The following SNX8 variants were observed in gnomAD, a reference collection of about 807,000 sequenced individuals.
SNX8 encodes sorting nexin-8.
A neutral mutation model predicts 51.6 loss-of-function variants in SNX8; 25 were observed. The ratio of observed to expected loss-of-function variants is 0.48; its 90% confidence interval spans 0.35 to 0.68. The LOEUF (loss-of-function observed/expected upper bound fraction) is 0.68. SNX8 is among the 30% of genes least tolerant of loss of function. The pLI is 0.00. For synonymous variants in SNX8, 324 were observed against 277.0 expected (o/e 1.17, Z -1.68); for missense variants, 695 against 624.0 (o/e 1.11, Z -1.21).
At chr7:2,303,263 C>A (rs1477745026) in intron 1 of SNX8, among the ~76,000 whole-genome samples, 3 of 147,928 alleles carry the variant, frequency 2.0e-5, no homozygotes, top group Non-Finnish European at 3.0e-5. Flanking sequence ...CGGCCAGCCG[C>A]CCCGTCCGGG....
At chr7:2,341,435 G>A (rs549119066) in intron 1 of SNX8, among the ~76,000 whole-genome samples, 6 of 152,002 alleles carry the variant, frequency 3.9e-5, no homozygotes, top group Admixed American at 3.9e-4. Context: ...GGAGGCAGAG[G>A]TTACAGTGAG....
chr7:2,278,422 T>C, intron 1 of SNX8, 117 bp from the exon 2 acceptor site: 1 of 629,966 alleles, frequency 1.6e-6, no homozygotes, highest in Admixed American at 3.0e-5. Flanking sequence ...GGAGGGAGTA[T>C]CACTTGAGCC....
chr7:2,290,886 G>A (rs1344274951), intron 1 of SNX8, among the ~76,000 whole-genome samples: 1 of 152,250 alleles, frequency 6.6e-6, no homozygotes, highest in Admixed American at 6.5e-5. Flanking sequence ...AGAACAGGAG[G>A]AGGAACCCAG....
intron 1 of SNX8, among the ~76,000 whole-genome samples, chr7:2,292,539 G>C (rs570258509): frequency 6.7e-4 from 102 of 151,712 alleles, no homozygotes; most frequent in Middle Eastern, 6.8e-3. Context: ...AGCCTCCCGA[G>C]TAGCTGGGAC....
chr7:2,270,550 G>C (rs1273030331), intron 4 of SNX8, among the ~76,000 whole-genome samples: 1 of 151,984 alleles, frequency 6.6e-6, no homozygotes, highest in Non-Finnish European at 1.5e-5. Context: ...CCTGCCCCCA[G>C]AACAGGGATA....
intron 1 of SNX8, among the ~76,000 whole-genome samples, chr7:2,350,599 T>C (rs906600058): frequency 6.6e-6 from 1 of 151,714 alleles, no homozygotes; most frequent in Non-Finnish European, 1.5e-5. Context: ...AAGCCAGGAG[T>C]TCAAGACCAG....
At chr7:2,293,791 C>G (rs964544141) in intron 1 of SNX8, among the ~76,000 whole-genome samples, 6 of 132,400 alleles carry the variant, frequency 4.5e-5, no homozygotes, top group African/African-American at 1.7e-4. Flanking sequence ...GGTGAAATCC[C>G]GTCTCTACTA....
chr7:2,266,495 C>T (rs1480756606), intron 5 of SNX8, among the ~76,000 whole-genome samples: 6 of 152,020 alleles, frequency 3.9e-5, no homozygotes, highest in South Asian at 2.1e-4. Flanking sequence ...TACAGGTGCA[C>T]GCCACCGCAC....
rs777381644 is a variant in SNX8, at chr7:2,257,502, G to A, written c.997C>T (p.Arg333Trp). The A allele has an allele frequency of 5.0e-6, 8 of 1,602,956 alleles. No individual in the cohort carries two copies. The highest frequency in any genetic ancestry group is 1.9e-4 in the Middle Eastern group (1 of 5,320). Reference sequence around the variant, plus strand: ...TTGTGCAACACGCCCTTCTCATGCCGCTCGCACAGGTCCTGCGGGGCCGGG... The same window carrying A: ...TTGTGCAACACGCCCTTCTCATGCCACTCGCACAGGTCCTGCGGGGCCGGG... Reference protein sequence around the residue: ...LLQSYKDLCERHEKGVLHKHQ... With the variant: ...LLQSYKDLCEWHEKGVLHKHQ... Residue 333 changes from arginine (R) to tryptophan (W), a missense_variant, in exon 9 of 11, where the codon CGG becomes TGG. Arg to Trp is a moderately radical substitution (Grantham distance 101). Coordinates refer to ENST00000222990, the MANE Select transcript of SNX8 (RefSeq NM_013321.4).
chr7:2,324,311 GAC>G (rs1320885520), intron 1 of SNX8, among the ~76,000 whole-genome samples: 1 of 139,762 alleles, frequency 7.2e-6, no homozygotes, highest in Admixed American at 7.5e-5. Context: ...TTTTTTTTGA[GAC>G]AGAGTTTCAC....
chr7:2,342,036 G>C (rs1399768095), intron 1 of SNX8, among the ~76,000 whole-genome samples: 1 of 151,454 alleles, frequency 6.6e-6, no homozygotes, highest in Non-Finnish European at 1.5e-5. Flanking sequence ...GAGACGGGCG[G>C]ATCACAAGAT....
chr7:2,270,664 C>G (rs1158458732), intron 4 of SNX8, among the ~76,000 whole-genome samples: 1 of 152,088 alleles, frequency 6.6e-6, no homozygotes, highest in East Asian at 1.9e-4. Flanking sequence ...GGTTTCCAAC[C>G]CCAGGGCTCA....
chr7:2,349,668 T>C (rs1365048977), intron 1 of SNX8, among the ~76,000 whole-genome samples: 1 of 152,076 alleles, frequency 6.6e-6, no homozygotes, highest in Admixed American at 6.6e-5. Flanking sequence ...AACTCCTGCC[T>C]TCAAGAGATC....
intron 1 of SNX8, among the ~76,000 whole-genome samples, chr7:2,287,165 T>A (rs957763528): frequency 6.6e-6 from 1 of 151,056 alleles, no homozygotes; most frequent in Non-Finnish European, 1.5e-5. Flanking sequence ...TAATTTTTCA[T>A]AGAGATAGGG....
chr7:2,284,472 G>C (rs1795977211), intron 1 of SNX8, among the ~76,000 whole-genome samples: 1 of 128,652 alleles, frequency 7.8e-6, no homozygotes. Context: ...TGCAATCTCA[G>C]TTCACTGCAA....
chr7:2,336,541 T>C (rs1778833486), intron 1 of SNX8, among the ~76,000 whole-genome samples: 1 of 151,762 alleles, frequency 6.6e-6, no homozygotes, highest in South Asian at 2.1e-4. Flanking sequence ...ATCCCTTCTC[T>C]ACTAAAAATA....
intron 3 of SNX8, 115 bp from the exon 4 acceptor site, chr7:2,272,086 G>C (rs1037742283): frequency 1.4e-6 from 2 of 1,426,102 alleles, no homozygotes; most frequent in African/African-American, 2.8e-5. Flanking sequence ...GCGGCTAGCA[G>C]AGGGCACTGG....
At chr7:2,314,515 C>G, upstream of SNX8, 2 of 1,110,282 alleles carry the variant, frequency 1.8e-6, no homozygotes, top group Non-Finnish European at 2.2e-6. Flanking sequence ...CCCGCCTGGT[C>G]ACGCCCCCTC....
In SNX8 at chr7:2,269,534, AAAAAG is replaced by A; in HGVS notation, c.621+20_621+24del. On this transcript the variant is annotated intron_variant, in intron 5 of 10. Coordinates refer to ENST00000222990, the MANE Select transcript of SNX8 (RefSeq NM_013321.4). ...ATAAAAAAATAAATTAAAAAAAAAA[AAAAAG>A]AAAAAAAAAAGAAAAATACCTTGGC... 2 of 1,401,774 alleles carry A rather than the reference AAAAAG, an allele frequency of 1.4e-6. No homozygotes were observed. The highest frequency in any genetic ancestry group is 2.3e-5 in the Admixed American group (1 of 42,938). 86.8% of individuals were successfully genotyped at this position (1,401,774 alleles called of 1,614,324 possible).
Sources: allele counts gnomAD v4.1 joint callset (sites outside exome capture counted in the v4.1 genomes callset), GRCh38; gene constraint gnomAD v4.1.1; transcripts MANE v1.5; gene names NCBI Gene and HGNC (gene_info 2026-07-23, HGNC 2026-07-21).